Variants in RPA1 observed in about 807,000 individuals in gnomAD.
RPA1 encodes replication protein A1, also known as replication protein A 70 kDa DNA-binding subunit.
RPA1 carries 49 observed loss-of-function variants against 83.0 expected under a neutral mutation model. The ratio of observed to expected loss-of-function variants is 0.59; its 90% CI spans 0.47 to 0.75. The LOEUF (loss-of-function observed/expected upper bound fraction) is 0.75, where lower values mean the gene tolerates loss of function less well. RPA1 is among the 30% of genes least tolerant of loss of function. The pLI is 0.00. For synonymous variants in RPA1, 279 were observed against 281.8 expected (o/e 0.99, Z 0.10); for missense variants, 693 against 776.1 (o/e 0.89, Z 1.27).
intron 5 of RPA1, among the ~76,000 whole-genome samples, chr17:1,862,890 G>A (rs1301965049): frequency 6.7e-6 from 1 of 149,106 alleles, no homozygotes; most frequent in Non-Finnish European, 1.5e-5. Context: ...GCTAATTTTT[G>A]TATTTTTAGT....
At chr17:1,872,303 G>A (rs1017487074) in intron 5 of RPA1, 131 bp from the exon 6 acceptor site, 9 of 1,378,174 alleles carry the variant, frequency 6.5e-6, no homozygotes, top group African/African-American at 4.4e-5. Flanking sequence ...GCCTCAGCAC[G>A]AATTCTAATC....
intron 5 of RPA1, among the ~76,000 whole-genome samples, chr17:1,866,537 G>A (rs886282317): frequency 6.6e-6 from 1 of 150,484 alleles, no homozygotes; most frequent in African/African-American, 2.4e-5. Context: ...GGCTGGTCTC[G>A]AACTCCTGAC....
intron 6 of RPA1, among the ~76,000 whole-genome samples, chr17:1,874,958 A>G (rs1913520078): frequency 6.6e-6 from 1 of 152,230 alleles, no homozygotes; most frequent in South Asian, 2.1e-4. Context: ...CTGAATTTGG[A>G]CGTTGAGTTT....
At chr17:1,896,770 C>T (rs1914447724) in intron 16 of RPA1, among the ~76,000 whole-genome samples, 1 of 152,186 alleles carries the variant, frequency 6.6e-6, no homozygotes, top group African/African-American at 2.4e-5. Context: ...GTATCCCCTG[C>T]AGTAGGGAGA....
chr17:1,834,489 T>C lies in RPA1; in HGVS notation c.33+4363T>C, dbSNP rs185339334. On this transcript the variant is annotated intron_variant, in intron 1 of 16. Coordinates refer to ENST00000254719, the MANE Select transcript of RPA1 (RefSeq NM_002945.5). ...TTGGAGAACCTTTGCTGACTTTCAT[T>C]ATCAGCTAAAGCAGGTATCATTTTC... Among the ~76,000 whole-genome samples, 315 of 152,308 alleles carry C rather than the reference T, an allele frequency of 2.1e-3. 1 individual carries two copies. Among genetic ancestry groups the C allele is most frequent in the African/African-American group, 6.8e-3 (283 of 41,548 alleles).
intron 5 of RPA1, among the ~76,000 whole-genome samples, chr17:1,858,772 G>A (rs1282977871): frequency 6.6e-6 from 1 of 151,844 alleles, no homozygotes; most frequent in African/African-American, 2.4e-5. Flanking sequence ...CCAAATGTGG[G>A]TATTTTCTAG....
chr17:1,834,151 G>C (rs905184029), intron 1 of RPA1, among the ~76,000 whole-genome samples: 3 of 152,186 alleles, frequency 2.0e-5, no homozygotes, highest in Admixed American at 2.0e-4. Context: ...GTGCATTCCA[G>C]ACTGGGCGAC....
At chr17:1,858,029 C>T in intron 5 of RPA1, 2 of 1,609,390 alleles carry the variant, frequency 1.2e-6, no homozygotes, top group Non-Finnish European at 1.7e-6. Flanking sequence ...ATGCTGGGAG[C>T]CTCCTTTCTT....
At chr17:1,838,154 G>C (rs986774890) in intron 1 of RPA1, among the ~76,000 whole-genome samples, 1 of 151,546 alleles carries the variant, frequency 6.6e-6, no homozygotes. Context: ...AGCTGGGCGT[G>C]GTGGCAGGCA....
intron 5 of RPA1, among the ~76,000 whole-genome samples, chr17:1,861,119 G>A (rs191381988): frequency 2.6e-5 from 4 of 152,194 alleles, no homozygotes; most frequent in East Asian, 1.9e-4. Flanking sequence ...GCCTCAGATC[G>A]TGTCCACACA....
chr17:1,883,796 T>C lies in RPA1; in HGVS notation c.1242-16T>C. ...CACATCAAGCGCTCGTCATCGTTATTCGTTCACGTTTTCAGGTTTGACGCA... is the reference window on the plus strand; with the variant it reads ...CACATCAAGCGCTCGTCATCGTTATCCGTTCACGTTTTCAGGTTTGACGCA... On this transcript the variant is annotated splice_polypyrimidine_tract_variant and intron_variant, in intron 12 of 16. Coordinates refer to ENST00000254719, the MANE Select transcript of RPA1 (RefSeq NM_002945.5). The C allele has an allele frequency of 1.2e-6, 2 of 1,613,950 alleles. No individual in the cohort carries two copies. The highest frequency in any genetic ancestry group is 1.7e-6 in the Non-Finnish European group (2 of 1,179,836).
At chr17:1,888,105 AGAGACTGTG>A (rs1466309399) in intron 13 of RPA1, among the ~76,000 whole-genome samples, 1 of 152,238 alleles carries the variant, frequency 6.6e-6, no homozygotes, top group East Asian at 1.9e-4. Flanking sequence ...TAGTTGCAGC[AGAGACTGTG>A]ACCAAATGGC....
rs1436688950 is a variant in RPA1, at chr17:1,879,616, A to G, written c.1009A>G (p.Asn337Asp). Residue 337 changes from asparagine to aspartate, a missense_variant, in exon 11 of 17, where the codon AAC becomes GAC. Asn to Asp is a conservative substitution (Grantham distance 23). Coordinates refer to ENST00000254719, the MANE Select transcript of RPA1 (RefSeq NM_002945.5). ...EDATKITVRS[N>D]NREVAKRNIY... is the part of the protein sequence containing the mutation. The stretch of plus-strand genomic sequence containing the variant: ...CGCCACTAAAATCACAGTGAGGTCT[A>G]ACAACAGAGAAGTTGCCAAGAGGAA... 1 of 1,614,134 alleles carries G rather than the reference A, an allele frequency of 6.2e-7. No homozygotes were observed. Among genetic ancestry groups the G allele is most frequent in the Non-Finnish European group, 8.5e-7 (1 of 1,180,052 alleles).
intron 5 of RPA1, among the ~76,000 whole-genome samples, chr17:1,865,110 G>T (rs1310674660): frequency 3.3e-5 from 5 of 152,208 alleles, no homozygotes; most frequent in Admixed American, 6.5e-5. Flanking sequence ...CACAATCGCA[G>T]AATGTTGAGG....
At chr17:1,870,351 G>A (rs1002414311) in intron 5 of RPA1, among the ~76,000 whole-genome samples, 2 of 152,156 alleles carry the variant, frequency 1.3e-5, no homozygotes, top group Non-Finnish European at 2.9e-5. Flanking sequence ...GTTACATTAT[G>A]TACTGCTAAA....
intron 5 of RPA1, among the ~76,000 whole-genome samples, chr17:1,853,717 G>A (rs1390518287): frequency 2.0e-5 from 3 of 152,050 alleles, no homozygotes; most frequent in Non-Finnish European, 2.9e-5. Flanking sequence ...CAAAGATTCA[G>A]TTATACTAGA....
At chr17:1,871,420 C>T (rs1217792615) in intron 5 of RPA1, among the ~76,000 whole-genome samples, 2 of 152,098 alleles carry the variant, frequency 1.3e-5, no homozygotes, top group Admixed American at 1.3e-4. Context: ...AGCAGGAATG[C>T]GAACTCAGCA....
chr17:1,857,654 C>A (rs1312980121), intron 5 of RPA1, among the ~76,000 whole-genome samples: 1 of 140,748 alleles, frequency 7.1e-6, no homozygotes, highest in East Asian at 2.3e-4. Context: ...CAACCCACCC[C>A]CCACCCGGCC....
chr17:1,893,677 CTT>C (rs879431576), intron 15 of RPA1, among the ~76,000 whole-genome samples: 1 of 143,856 alleles, frequency 7.0e-6, no homozygotes, highest in African/African-American at 2.5e-5. Context: ...GTTTACCAGA[CTT>C]TTTTTTTTTT....
Sources: allele counts gnomAD v4.1 joint callset (sites outside exome capture counted in the v4.1 genomes callset), GRCh38; gene constraint gnomAD v4.1.1; transcripts MANE v1.5; gene names NCBI Gene and HGNC (gene_info 2026-07-23, HGNC 2026-07-21).